HS3ST4: variants seen among roughly 807,000 people sequenced by gnomAD.
HS3ST4 encodes heparan sulfate-glucosamine 3-sulfotransferase 4, also known as heparan sulfate glucosamine 3-O-sulfotransferase 4.
HS3ST4 carries 17 observed loss-of-function variants against 29.2 expected under a neutral mutation model. The ratio of observed to expected loss-of-function variants is 0.58; its 90% CI spans 0.40 to 0.87. The LOEUF (loss-of-function observed/expected upper bound fraction) is 0.87. Among genes scored for constraint, HS3ST4 ranks in the 40% least tolerant of loss-of-function variants. The pLI, the probability that HS3ST4 is intolerant of heterozygous loss-of-function variation, is 0.00. For missense variants in HS3ST4, 627 were observed against 634.5 expected (o/e 0.99, Z 0.13); for synonymous variants, 314 against 285.7 (o/e 1.10, Z -1.00).
At chr16:26,023,696 C>T (rs1969438285) in intron 1 of HS3ST4, among the ~76,000 whole-genome samples, 1 of 151,960 alleles carries the variant, frequency 6.6e-6, no homozygotes, top group South Asian at 2.1e-4. Context: ...CATGAGCCAT[C>T]CCACCTGGCC....
At chr16:25,807,998 A>C (rs1266850176) in intron 1 of HS3ST4, among the ~76,000 whole-genome samples, 2 of 152,058 alleles carry the variant, frequency 1.3e-5, no homozygotes, top group East Asian at 3.9e-4. Flanking sequence ...TTTAATATTG[A>C]GTTTTGAGAG....
At chr16:25,765,323 G>A (rs531913589) in intron 1 of HS3ST4, among the ~76,000 whole-genome samples, 2 of 152,298 alleles carry the variant, frequency 1.3e-5, no homozygotes, top group South Asian at 2.1e-4. Flanking sequence ...CGGAGACGCC[G>A]CTGGGAAGCC....
At position 25,907,792 on chromosome 16, in the gene HS3ST4, T is replaced by C. The variant is rs557920699; in HGVS notation, c.734+214641T>C. On this transcript the variant is annotated intron_variant, in intron 1 of 1. Coordinates refer to ENST00000331351, the MANE Select transcript of HS3ST4 (RefSeq NM_006040.3). Reference sequence around the variant, plus strand: ...CTCCAAATCCAACAGGCTTCATTGATTTTCACAGAACCTGGAAGAAAGACT... The same window carrying C: ...CTCCAAATCCAACAGGCTTCATTGACTTTCACAGAACCTGGAAGAAAGACT... Among the ~76,000 whole-genome samples, 206 of 152,322 alleles carry C rather than the reference T, an allele frequency of 1.4e-3. 1 individual carries two copies. Among genetic ancestry groups the C allele is most frequent in the Non-Finnish European group, 2.5e-3 (168 of 68,032 alleles).
intron 1 of HS3ST4, among the ~76,000 whole-genome samples, chr16:25,719,004 A>T (rs1338873574): frequency 6.6e-6 from 1 of 152,202 alleles, no homozygotes; most frequent in Non-Finnish European, 1.5e-5. Context: ...TTTAAAAGGG[A>T]GGGAGTGATC....
intron 1 of HS3ST4, among the ~76,000 whole-genome samples, chr16:25,806,081 C>T (rs1293310549): frequency 6.6e-6 from 1 of 152,012 alleles, no homozygotes; most frequent in African/African-American, 2.4e-5. Flanking sequence ...GTATGTGTAC[C>T]ATGTTTTCTT....
chr16:25,971,001 T>C (rs55960120), intron 1 of HS3ST4, among the ~76,000 whole-genome samples: 13,323 of 151,604 alleles, frequency 0.088, 756 homozygotes, highest in Non-Finnish European at 0.12. Flanking sequence ...CAGGTGTGTG[T>C]CACCATGCCT....
chr16:25,780,967 G>A (rs550592545), intron 1 of HS3ST4, among the ~76,000 whole-genome samples: 1 of 152,218 alleles, frequency 6.6e-6, no homozygotes, highest in East Asian at 1.9e-4. Context: ...TAGAAGGCTG[G>A]CCCCACACCC....
intron 1 of HS3ST4, among the ~76,000 whole-genome samples, chr16:26,070,892 C>T (rs371790241): frequency 2.7e-4 from 41 of 152,304 alleles, no homozygotes; most frequent in African/African-American, 9.6e-4. Flanking sequence ...GCGATTTAGT[C>T]TCCTACTCAT....
Position 25,829,655 on chromosome 16 carries a change from C to T in HS3ST4, c.734+136504C>T, listed in dbSNP as rs9936180. 2.2e-3 allele frequency among the ~76,000 whole-genome samples: 342 copies of T among 152,176 alleles called. 3 individuals are homozygous for T. The highest frequency in any genetic ancestry group is 7.4e-3 in the African/African-American group (309 of 41,516). On this transcript the variant is annotated intron_variant, in intron 1 of 1. Coordinates refer to ENST00000331351, the MANE Select transcript of HS3ST4 (RefSeq NM_006040.3). ...TCTCATTGTTCAACTCCCACTTACA[C>T]GTGAGAACATGCAGTGTTTGGTTTT...
intron 1 of HS3ST4, among the ~76,000 whole-genome samples, chr16:25,760,162 G>A (rs1219187514): frequency 6.6e-6 from 1 of 151,908 alleles, no homozygotes; most frequent in Non-Finnish European, 1.5e-5. Flanking sequence ...CTAACACTTT[G>A]TTTAGGGCTC....
chr16:25,725,270 T>C (rs1481320694), intron 1 of HS3ST4, among the ~76,000 whole-genome samples: 1 of 152,178 alleles, frequency 6.6e-6, no homozygotes, highest in East Asian at 1.9e-4. Context: ...TCTGTCACCA[T>C]TGACTTGCTC....
chr16:25,980,971 G>A (rs371500040), intron 1 of HS3ST4, among the ~76,000 whole-genome samples: 3 of 152,152 alleles, frequency 2.0e-5, no homozygotes, highest in African/African-American at 7.2e-5. Flanking sequence ...GCAGGCTCTG[G>A]GTCATAAGGG....
intron 1 of HS3ST4, among the ~76,000 whole-genome samples, chr16:26,086,157 A>G (rs529689648): frequency 1.3e-5 from 2 of 151,988 alleles, no homozygotes; most frequent in Non-Finnish European, 1.5e-5. Flanking sequence ...CCCTTGCTCA[A>G]ATGACACCTC....
intron 1 of HS3ST4, among the ~76,000 whole-genome samples, chr16:25,799,528 A>G (rs922520710): frequency 1.3e-5 from 2 of 152,154 alleles, no homozygotes; most frequent in Non-Finnish European, 2.9e-5. Flanking sequence ...TCTGTGAACC[A>G]TCATCAACAA....
In HS3ST4 at chr16:25,821,359, A is replaced by G. The variant is rs28566740; in HGVS notation, c.734+128208A>G. Among the ~76,000 whole-genome samples the G allele has an allele frequency of 2.2e-3, 338 of 152,184 alleles. 3 individuals are homozygous for G. The highest frequency in any genetic ancestry group is 7.4e-3 in the African/African-American group (309 of 41,518). On this transcript the variant is annotated intron_variant, in intron 1 of 1. Transcript: ENST00000331351. ...AGTGATGCTAAATCTGTTATCACTC[A>G]TTTGATTATGACATTTGCATTTTTA...
At chr16:25,898,825 A>G (rs974298377) in intron 1 of HS3ST4, among the ~76,000 whole-genome samples, 4 of 152,202 alleles carry the variant, frequency 2.6e-5, no homozygotes, top group Non-Finnish European at 4.4e-5. Flanking sequence ...CCAAACCAAG[A>G]CTTTCTCCTT....
At chr16:26,039,296 C>G (rs959767531) in intron 1 of HS3ST4, among the ~76,000 whole-genome samples, 5 of 152,154 alleles carry the variant, frequency 3.3e-5, no homozygotes, top group African/African-American at 1.2e-4. Flanking sequence ...CAGAAGGAAT[C>G]TTGCCTGGGA....
At chr16:26,089,996 CTT>C (rs1293607608) in intron 1 of HS3ST4, among the ~76,000 whole-genome samples, 2 of 152,104 alleles carry the variant, frequency 1.3e-5, no homozygotes, top group Admixed American at 1.3e-4. Flanking sequence ...TATTTTCACT[CTT>C]TTAATTATTT....
intron 1 of HS3ST4, among the ~76,000 whole-genome samples, chr16:25,866,441 G>A (rs997051891): frequency 6.6e-6 from 1 of 152,194 alleles, no homozygotes; most frequent in South Asian, 2.1e-4. Flanking sequence ...TAAAGAAAAT[G>A]TGGTACATAT....
Sources: allele counts gnomAD v4.1 joint callset (sites outside exome capture counted in the v4.1 genomes callset), GRCh38; gene constraint gnomAD v4.1.1; transcripts MANE v1.5; gene names NCBI Gene and HGNC (gene_info 2026-07-23, HGNC 2026-07-21).